PAPSS2: variants seen among roughly 807,000 people sequenced by gnomAD.
PAPSS2 encodes the protein bifunctional 3'-phosphoadenosine 5'-phosphosulfate synthase 2.
In PAPSS2, 61 loss-of-function variants were observed where a neutral mutation model predicts 66.5. The observed-to-expected ratio is 0.92, with a 90% CI of 0.75 to 1.14. The LOEUF (loss-of-function observed/expected upper bound fraction) is 1.14, where lower values mean the gene tolerates loss of function less well. Among genes scored for constraint, PAPSS2 ranks in the 50% most tolerant of loss-of-function variants. PAPSS2 has a pLI of 0.00. For synonymous variants in PAPSS2, 289 were observed against 287.5 expected (o/e 1.01, Z -0.05); for missense variants, 708 against 789.6 (o/e 0.90, Z 1.24).
chr10:87,714,274 A>C, intron 4 of PAPSS2, 92 bp downstream of exon 4: 1 of 1,434,486 alleles, frequency 7.0e-7, no homozygotes. Context: ...TGAGTTTCAA[A>C]CTGTTTTCCA....
chr10:87,691,272 A>T (rs2131913654), intron 1 of PAPSS2, among the ~76,000 whole-genome samples: 1 of 152,326 alleles, frequency 6.6e-6, no homozygotes, highest in East Asian at 1.9e-4. Flanking sequence ...GGGCATGACA[A>T]ATTAGTTTAA....
chr10:87,691,402 A>G (rs955940072), intron 1 of PAPSS2, among the ~76,000 whole-genome samples: 2 of 152,168 alleles, frequency 1.3e-5, no homozygotes, highest in African/African-American at 4.8e-5. Flanking sequence ...CCGACATGTC[A>G]GCAAAAATCC....
intron 1 of PAPSS2, among the ~76,000 whole-genome samples, chr10:87,660,674 T>G (rs2131889494): frequency 6.6e-6 from 1 of 152,084 alleles, no homozygotes; most frequent in East Asian, 1.9e-4. Flanking sequence ...ATCTGAGCTG[T>G]CCTCCTTTAA....
rs1367097677 is a variant in PAPSS2, at chr10:87,701,315, CCTTCCTTCCTTCCTTT to C, written c.28-7877_28-7862del. On this transcript the variant is annotated intron_variant, in intron 1 of 12. Transcript: ENST00000456849. ...TTCTTTCTTTTTTCCTTCCTTCCTT[CCTTCCTTCCTTCCTTT>C]CTTTCTTTCTTTCTTTCTTTCTTTC... Among the ~76,000 whole-genome samples the C allele has an allele frequency of 4.3e-3, 338 of 78,848 alleles. 1 individual carries two copies. Among genetic ancestry groups the C allele is most frequent in the African/African-American group, 0.02 (287 of 14,330 alleles). The allele number at this position is 78,848 out of a possible 152,430, so 51.7% of individuals were successfully genotyped here. A position where few individuals can be genotyped will look rare whatever the true frequency, so the allele number is the denominator to read the frequency against.
chr10:87,714,638 G>A lies in PAPSS2; in HGVS notation c.521-107G>A. The stretch of plus-strand genomic sequence containing the variant: ...GCTGTTTGACCTTTTCTGTTAAAGT[G>A]TGAATTTTCAGTTTAATACATTATT... On this transcript the variant is annotated intron_variant, in intron 4 of 12. Coordinates refer to ENST00000456849, the MANE Select transcript of PAPSS2 (RefSeq NM_001015880.2). 3 of 798,082 alleles carry A rather than the reference G, an allele frequency of 3.8e-6. No individual in the cohort carries two copies. In the South Asian group the frequency reaches 4.1e-5, roughly 11 times the overall value. The allele number at this position is 798,082 out of a possible 1,614,324, so 49.4% of individuals were successfully genotyped here.
At chr10:87,715,709 C>T in intron 6 of PAPSS2, 23 bp from the exon 7 acceptor site, 1 of 1,469,782 alleles carries the variant, frequency 6.8e-7, no homozygotes, top group Non-Finnish European at 9.5e-7. Context: ...TGAAAATGTT[C>T]AACTACTTTT....
chr10:87,722,483 A>T (rs1411092517), intron 8 of PAPSS2, among the ~76,000 whole-genome samples: 1 of 152,252 alleles, frequency 6.6e-6, no homozygotes, highest in African/African-American at 2.4e-5. Context: ...AAGCAGATCT[A>T]TAAGGCTAAC....
chr10:87,682,378 T>C (rs1302304193), intron 1 of PAPSS2, among the ~76,000 whole-genome samples: 1 of 152,210 alleles, frequency 6.6e-6, no homozygotes, highest in Non-Finnish European at 1.5e-5. Flanking sequence ...CCCTTGGTTT[T>C]TGGCAGATTT....
chr10:87,726,586 A>G (rs931847368), intron 8 of PAPSS2, among the ~76,000 whole-genome samples: 6 of 152,198 alleles, frequency 3.9e-5, no homozygotes, highest in African/African-American at 1.4e-4. Flanking sequence ...AAAATATCTT[A>G]TGCACCCCAT....
At chr10:87,699,511 C>T (rs537051554) in intron 1 of PAPSS2, among the ~76,000 whole-genome samples, 1 of 152,310 alleles carries the variant, frequency 6.6e-6, no homozygotes, top group African/African-American at 2.4e-5. Flanking sequence ...ACTTGTTTTA[C>T]AGGACTCACT....
chr10:87,678,590 TA>T (rs34785604), intron 1 of PAPSS2, among the ~76,000 whole-genome samples: 4 of 150,340 alleles, frequency 2.7e-5, no homozygotes, highest in Middle Eastern at 3.4e-3. Flanking sequence ...CCCAGCAGCG[TA>T]AAAAAAAAAT....
intron 1 of PAPSS2, among the ~76,000 whole-genome samples, 164 bp from the exon 2 acceptor site, chr10:87,709,032 A>G (rs1396278479): frequency 6.6e-6 from 1 of 152,222 alleles, no homozygotes; most frequent in African/African-American, 2.4e-5. Context: ...GAAAAAAACT[A>G]TATTAGAATG....
intron 1 of PAPSS2, among the ~76,000 whole-genome samples, chr10:87,677,971 G>A (rs1852969708): frequency 6.6e-6 from 1 of 152,014 alleles, no homozygotes; most frequent in Admixed American, 6.6e-5. Context: ...ATAAAGAAAA[G>A]GTTTGATGGA....
chr10:87,663,331 C>T (rs763866871), intron 1 of PAPSS2, among the ~76,000 whole-genome samples: 17 of 151,952 alleles, frequency 1.1e-4, no homozygotes, highest in Non-Finnish European at 1.8e-4. Context: ...AGGCTGGTCT[C>T]GAACTCCTGA....
chr10:87,715,870 CTT>C (rs1398937893), intron 7 of PAPSS2, 27 bp downstream of exon 7: 1 of 1,365,310 alleles, frequency 7.3e-7, no homozygotes, highest in South Asian at 1.2e-5. Flanking sequence ...GTTTCTTACT[CTT>C]TGTTGTTAAG....
intron 1 of PAPSS2, among the ~76,000 whole-genome samples, chr10:87,660,823 A>AAC (rs989868138): frequency 1.7e-5 from 2 of 120,218 alleles, no homozygotes; most frequent in Non-Finnish European, 3.8e-5. Flanking sequence ...AAAAAAAAAA[A>AAC]AAAAAAAAAA....
chr10:87,707,555 CTTTTTTTTCTTT>C lies in PAPSS2; in HGVS notation c.28-1632_28-1621del, dbSNP rs1351539520. Among the ~76,000 whole-genome samples the C allele has an allele frequency of 2.0e-4, 26 of 127,754 alleles. No homozygotes were observed. In the East Asian group the frequency reaches 5.7e-3, roughly 28 times the overall value. 83.8% of individuals were successfully genotyped at this position (127,754 alleles called of 152,430 possible). A position where few individuals can be genotyped will look rare whatever the true frequency, so the allele number is the denominator to read the frequency against. ...AGCAAAAAGAGGTGAGTTTTCATTTCTTTTTTTTCTTTTTTTTTTTTTTTTTTTTTTTGAGAC... is the reference window on the plus strand; with the variant it reads ...AGCAAAAAGAGGTGAGTTTTCATTTCTTTTTTTTTTTTTTTTTTTTGAGAC... On this transcript the variant is annotated intron_variant, in intron 1 of 12. Coordinates refer to ENST00000456849, the MANE Select transcript of PAPSS2 (RefSeq NM_001015880.2).
intron 1 of PAPSS2, chr10:87,660,936 A>C (rs1159766129): frequency 2.2e-6 from 1 of 455,176 alleles, no homozygotes; most frequent in South Asian, 1.6e-5. Flanking sequence ...AATCCTACTC[A>C]GCAGTTTGGC....
At chr10:87,696,537 G>A (rs1054227272) in intron 1 of PAPSS2, among the ~76,000 whole-genome samples, 1 of 152,170 alleles carries the variant, frequency 6.6e-6, no homozygotes, top group Non-Finnish European at 1.5e-5. Flanking sequence ...AAATATCATA[G>A]ATATGCCTAT....
Sources: allele counts gnomAD v4.1 joint callset (sites outside exome capture counted in the v4.1 genomes callset), GRCh38; gene constraint gnomAD v4.1.1; transcripts MANE v1.5; gene names NCBI Gene and HGNC (gene_info 2026-07-23, HGNC 2026-07-21).